Variants in PTPRG observed in about 807,000 individuals in gnomAD.
PTPRG encodes protein tyrosine phosphatase receptor type G.
PTPRG carries 102 observed loss-of-function variants against 165.3 expected under a neutral mutation model. The observed-to-expected ratio is 0.62, with a 90% confidence interval of 0.53 to 0.73. The LOEUF is 0.73. Ranked by LOEUF, PTPRG falls within the 30% of genes least tolerant of loss-of-function variation. The pLI, the probability that PTPRG is intolerant of heterozygous loss-of-function variation, is 0.00. For synonymous variants in PTPRG, 675 were observed against 669.5 expected (o/e 1.01, Z -0.13); for missense variants, 1,866 against 1,861.4 (o/e 1.00, Z -0.05).
intron 2 of PTPRG, among the ~76,000 whole-genome samples, chr3:61,836,020 A>G (rs894165030): frequency 5.3e-5 from 8 of 151,072 alleles, no homozygotes; most frequent in Non-Finnish European, 1.2e-4. Context: ...AGCCTGGGCA[A>G]CAAGAGTAAA....
chr3:61,709,561 C>G (rs972238302), intron 1 of PTPRG, among the ~76,000 whole-genome samples: 1 of 152,156 alleles, frequency 6.6e-6, no homozygotes, highest in South Asian at 2.1e-4. Context: ...GTGATCTGCC[C>G]TCCTTGGCCT....
rs115162405 is a variant in PTPRG at position 62,122,919 on chromosome 3, A to G, written c.616-9683A>G. Among the ~76,000 whole-genome samples the G allele has an allele frequency of 4.5e-3, 680 of 152,222 alleles. 5 individuals carry two copies. The highest frequency in any genetic ancestry group is 6.3e-3 in the Non-Finnish European group (427 of 68,012). On this transcript the variant is annotated intron_variant, in intron 5 of 29. Coordinates refer to ENST00000474889, the MANE Select transcript of PTPRG (RefSeq NM_002841.4). ...TTCATTACAGAAGCCAGGGCCCCCA[A>G]CCTGTCTTGTGGGAGCTAGAACTAG... is the stretch of plus-strand genomic sequence containing the variant.
At chr3:61,815,243 A>C (rs1221873011) in intron 2 of PTPRG, among the ~76,000 whole-genome samples, 1 of 45,222 alleles carries the variant, frequency 2.2e-5, no homozygotes, top group Non-Finnish European at 3.6e-5. Flanking sequence ...CTAAAAATAC[A>C]AAAAAAAAAA....
chr3:62,043,636 G>T (rs1174622126), intron 4 of PTPRG, among the ~76,000 whole-genome samples: 1 of 152,160 alleles, frequency 6.6e-6, no homozygotes, highest in African/African-American at 2.4e-5. Context: ...CATATACTTC[G>T]AAGTTAGGTC....
At chr3:61,782,926 C>T (rs917201467) in intron 2 of PTPRG, among the ~76,000 whole-genome samples, 1 of 152,066 alleles carries the variant, frequency 6.6e-6, no homozygotes, top group Non-Finnish European at 1.5e-5. Context: ...CCTTAGCCTC[C>T]TAAGTAATTG....
At chr3:62,151,845 C>A (rs1169120170) in intron 6 of PTPRG, among the ~76,000 whole-genome samples, 1 of 152,114 alleles carries the variant, frequency 6.6e-6, no homozygotes, top group African/African-American at 2.4e-5. Flanking sequence ...TGCATGCTTA[C>A]TGTGTCAAGC....
intron 29 of PTPRG, 30 bp downstream of exon 29, chr3:62,292,586 T>C (rs1576236184): frequency 6.2e-7 from 1 of 1,605,780 alleles, no homozygotes; most frequent in African/African-American, 1.3e-5. Context: ...GTAAAACCTG[T>C]ACTACATCAG....
chr3:61,931,770 C>G (rs1459416124), intron 2 of PTPRG, among the ~76,000 whole-genome samples: 1 of 152,214 alleles, frequency 6.6e-6, no homozygotes, highest in African/African-American at 2.4e-5. Flanking sequence ...CCAGGAGATT[C>G]ATTCAAGGAT....
intron 3 of PTPRG, among the ~76,000 whole-genome samples, chr3:61,990,093 G>A (rs1039926695): frequency 6.6e-6 from 1 of 151,340 alleles, no homozygotes; most frequent in Non-Finnish European, 1.5e-5. Flanking sequence ...GTATGTAGAA[G>A]GACTTTCAGA....
intron 4 of PTPRG, among the ~76,000 whole-genome samples, chr3:62,043,607 G>T (rs17065745): frequency 0.19 from 28,612 of 152,128 alleles, 2,916 homozygotes; most frequent in Admixed American, 0.27. Flanking sequence ...TGAATATGCG[G>T]CAATTCAGAG....
At position 61,860,930 on chromosome 3, in the gene PTPRG, A is replaced by C. The variant is rs369889807; in HGVS notation, c.190+111948A>C. ...AGATTCTGAATAAGTCCAGCACCAC[A>C]GGCAGGGTTGCCACAGCCACCCCCC... On this transcript the variant is annotated intron_variant, in intron 2 of 29. Coordinates refer to ENST00000474889, the MANE Select transcript of PTPRG (RefSeq NM_002841.4). 1.4e-4 allele frequency among the ~76,000 whole-genome samples: 21 copies of C among 152,260 alleles called. 2 individuals are homozygous for C. The highest frequency in any genetic ancestry group is 5.1e-4 in the African/African-American group (21 of 41,550).
intron 2 of PTPRG, among the ~76,000 whole-genome samples, chr3:61,830,354 T>A (rs1217359669): frequency 6.6e-6 from 1 of 152,164 alleles, no homozygotes; most frequent in Non-Finnish European, 1.5e-5. Context: ...TTGATAATGT[T>A]TAATTTAGTT....
intron 8 of PTPRG, among the ~76,000 whole-genome samples, chr3:62,183,599 G>A (rs11914381): frequency 0.089 from 13,449 of 151,222 alleles, 1,679 homozygotes; most frequent in African/African-American, 0.28. Context: ...GGCACAGAAT[G>A]AAGGCCTTGG....
At chr3:62,191,415 T>A (rs1322247935) in intron 8 of PTPRG, 54 bp from the exon 9 acceptor site, 2 of 1,559,312 alleles carry the variant, frequency 1.3e-6, no homozygotes, top group East Asian at 4.6e-5. Context: ...GGGGCACGGA[T>A]TGAATGGCGC....
At chr3:61,734,554 C>T (rs1028527508) in intron 1 of PTPRG, among the ~76,000 whole-genome samples, 1 of 152,262 alleles carries the variant, frequency 6.6e-6, no homozygotes, top group South Asian at 2.1e-4. Context: ...CTTTGGCACC[C>T]GGTTGTCCCA....
At chr3:61,689,060 C>T (rs2029980681) in intron 1 of PTPRG, among the ~76,000 whole-genome samples, 1 of 152,234 alleles carries the variant, frequency 6.6e-6, no homozygotes, top group Non-Finnish European at 1.5e-5. Flanking sequence ...GGCATTCTGA[C>T]TGCCATTTGA....
intron 1 of PTPRG, among the ~76,000 whole-genome samples, chr3:61,731,538 A>G (rs1460116671): frequency 2.0e-5 from 3 of 151,832 alleles, no homozygotes; most frequent in Admixed American, 6.6e-5. Flanking sequence ...TAGTAGAGAC[A>G]GGGTTTCACC....
At chr3:61,612,889 G>GCA (rs1241846767) in intron 1 of PTPRG, among the ~76,000 whole-genome samples, 13 of 141,778 alleles carry the variant, frequency 9.2e-5, no homozygotes, top group Admixed American at 6.5e-4. Context: ...GTGTGTGTGT[G>GCA]CGCACTTGTA....
At chr3:62,009,953 T>C (rs1422996234) in intron 4 of PTPRG, among the ~76,000 whole-genome samples, 2 of 152,226 alleles carry the variant, frequency 1.3e-5, no homozygotes, top group African/African-American at 2.4e-5. Flanking sequence ...GGTCTTACTG[T>C]GTCACCCAGA....
Sources: allele counts gnomAD v4.1 joint callset (sites outside exome capture counted in the v4.1 genomes callset), GRCh38; gene constraint gnomAD v4.1.1; transcripts MANE v1.5; gene names NCBI Gene and HGNC (gene_info 2026-07-23, HGNC 2026-07-21).